The following C8orf34 variants were observed in gnomAD, a reference collection of about 807,000 sequenced individuals.
C8orf34 encodes the protein uncharacterized protein C8orf34.
C8orf34 carries 65 observed loss-of-function variants against 68.3 expected under a neutral mutation model. The ratio of observed to expected loss-of-function variants is 0.95; its 90% CI spans 0.78 to 1.17. The LOEUF is 1.17. Among genes scored for constraint, C8orf34 ranks in the 50% most tolerant of loss-of-function variants. The pLI is 0.00. For synonymous variants in C8orf34, 244 were observed against 241.2 expected, an observed-to-expected ratio of 1.01 and a Z score of -0.11; for missense variants, 664 against 655.4, an observed-to-expected ratio of 1.01 and a Z score of -0.14.
intron 10 of C8orf34, among the ~76,000 whole-genome samples, chr8:68,740,667 A>G (rs549555458): frequency 2.0e-5 from 3 of 152,328 alleles, no homozygotes; most frequent in East Asian, 1.9e-4. Flanking sequence ...ACTACTGTGG[A>G]AAACAGCATG....
intron 7 of C8orf34, among the ~76,000 whole-genome samples, chr8:68,632,896 T>A (rs983828588): frequency 4.6e-5 from 7 of 152,110 alleles, no homozygotes; most frequent in Admixed American, 2.6e-4. Flanking sequence ...TGTATGGAGA[T>A]GTCTGAATGT....
chr8:68,417,967 C>T (rs1392158703), intron 1 of C8orf34, among the ~76,000 whole-genome samples: 3 of 150,676 alleles, frequency 2.0e-5, no homozygotes, highest in Non-Finnish European at 4.4e-5. Flanking sequence ...TCTTTTATTT[C>T]CTTGAGCAGT....
chr8:68,613,724 A>G (rs1200264287), intron 7 of C8orf34, among the ~76,000 whole-genome samples: 1 of 151,660 alleles, frequency 6.6e-6, no homozygotes, highest in African/African-American at 2.4e-5. Context: ...AGTCTTTGCT[A>G]TTGTGAATAG....
chr8:68,362,243 A>C (rs1390604887), intron 1 of C8orf34, among the ~76,000 whole-genome samples: 1 of 152,224 alleles, frequency 6.6e-6, no homozygotes, highest in African/African-American at 2.4e-5. Flanking sequence ...GATCTTTTTC[A>C]TGTTGGCTAC....
intron 9 of C8orf34, among the ~76,000 whole-genome samples, chr8:68,717,703 GTTATAT>G (rs907662078): frequency 1.3e-5 from 2 of 151,938 alleles, no homozygotes; most frequent in African/African-American, 4.8e-5. Flanking sequence ...TATTTTACAT[GTTATAT>G]TTATATAAAT....
chr8:68,633,110 T>C (rs117781078), intron 7 of C8orf34, among the ~76,000 whole-genome samples: 270 of 152,308 alleles, frequency 1.8e-3, no homozygotes, highest in Non-Finnish European at 2.1e-3. Context: ...GCCCACCCAA[T>C]TGGAGTTGCT....
chr8:68,623,458 A>G (rs968785313), intron 7 of C8orf34, among the ~76,000 whole-genome samples: 4 of 152,096 alleles, frequency 2.6e-5, no homozygotes, highest in Admixed American at 2.0e-4. Context: ...CATTGTCCCA[A>G]TGTTCCCTTG....
At chr8:68,604,921 G>A (rs992354884) in intron 7 of C8orf34, among the ~76,000 whole-genome samples, 6 of 152,070 alleles carry the variant, frequency 3.9e-5, no homozygotes, top group African/African-American at 1.4e-4. Context: ...AAAGACAAGA[G>A]GCACTGACTG....
intron 1 of C8orf34, among the ~76,000 whole-genome samples, chr8:68,412,781 T>C (rs1002951255): frequency 2.0e-5 from 3 of 152,142 alleles, no homozygotes; most frequent in Non-Finnish European, 4.4e-5. Context: ...TCTCTGACTA[T>C]CTTGGCCTAT....
rs532013261 is a variant in C8orf34, at chr8:68,414,584, T to C, written c.328-24915T>C. Among the ~76,000 whole-genome samples the C allele has an allele frequency of 5.2e-5, 7 of 134,818 alleles. No homozygotes were observed. In the South Asian group the frequency reaches 1.7e-3, roughly 33 times the overall value. The allele number at this position is 134,818 out of a possible 152,430, so 88.4% of individuals were successfully genotyped here. On this transcript the variant is annotated intron_variant, in intron 1 of 13. Transcript: ENST00000518698. The stretch of plus-strand genomic sequence containing the variant: ...ATGTGCCAGGAATTGTTTTTTGATC[T>C]TGGGAAACAGAGATGTCTAAGACAT...
chr8:68,695,991 CTT>C (rs1376946152), intron 8 of C8orf34, among the ~76,000 whole-genome samples: 1 of 151,934 alleles, frequency 6.6e-6, no homozygotes, highest in Non-Finnish European at 1.5e-5. Context: ...CCTGCATTGT[CTT>C]TTCTCATTGT....
At chr8:68,535,451 T>A in intron 7 of C8orf34, 1 of 973,544 alleles carries the variant, frequency 1.0e-6, no homozygotes. Context: ...GTGAAAGGTA[T>A]AATTGTTAGT....
chr8:68,474,571 T>C (rs572565975), intron 4 of C8orf34, among the ~76,000 whole-genome samples: 1 of 152,166 alleles, frequency 6.6e-6, no homozygotes, highest in African/African-American at 2.4e-5. Flanking sequence ...CTTATGGCTG[T>C]CTGGACTGTC....
chr8:68,623,119 G>T (rs369211108), intron 7 of C8orf34, among the ~76,000 whole-genome samples: 1 of 152,144 alleles, frequency 6.6e-6, no homozygotes, highest in African/African-American at 2.4e-5. Flanking sequence ...AACTTGATCA[G>T]ATTAAACTCT....
chr8:68,796,187 T>A (rs1824172980), intron 12 of C8orf34, among the ~76,000 whole-genome samples: 1 of 152,226 alleles, frequency 6.6e-6, no homozygotes, highest in South Asian at 2.1e-4. Context: ...CTTGTTCTTA[T>A]TGAGATTCAG....
chr8:68,607,775 C>T (rs375465688), intron 7 of C8orf34, among the ~76,000 whole-genome samples: 81 of 152,186 alleles, frequency 5.3e-4, no homozygotes, highest in African/African-American at 1.7e-3. Context: ...ATTTCTTACC[C>T]GCTGCTTTTG....
intron 4 of C8orf34, among the ~76,000 whole-genome samples, chr8:68,479,163 G>T (rs1453715293): frequency 6.6e-6 from 1 of 152,090 alleles, no homozygotes; most frequent in African/African-American, 2.4e-5. Context: ...AATAATTAAA[G>T]AATAATTTTT....
intron 1 of C8orf34, among the ~76,000 whole-genome samples, chr8:68,376,470 A>G (rs1366568766): frequency 6.6e-6 from 1 of 152,168 alleles, no homozygotes; most frequent in Non-Finnish European, 1.5e-5. Context: ...CCTTGAAAGT[A>G]GAGAATGAAG....
chr8:68,652,876 T>C (rs10099116), intron 8 of C8orf34, among the ~76,000 whole-genome samples: 1,585 of 152,260 alleles, frequency 0.01, 23 homozygotes, highest in African/African-American at 0.035. Context: ...GGGAATGGCA[T>C]TGCTTTTCAT....
Sources: gnomAD v4.1 joint callset for allele counts (sites outside exome capture counted in the v4.1 genomes callset) on GRCh38, gnomAD v4.1.1 for gene constraint, MANE v1.5 for transcripts, NCBI Gene and HGNC (gene_info 2026-07-23, HGNC 2026-07-21) for gene names.